SPAG16: variants seen among roughly 807,000 people sequenced by gnomAD.
SPAG16 encodes sperm associated antigen 16.
Under a neutral mutation model 80.4 loss-of-function variants are expected in SPAG16, and 86 were observed. The observed-to-expected ratio is 1.07, with a 90% CI of 0.90 to 1.28. The LOEUF is 1.28. SPAG16 is among the 50% of genes most tolerant of loss of function. SPAG16 has a pLI of 0.00. For synonymous variants in SPAG16, 294 were observed against 265.9 expected, an observed-to-expected ratio of 1.11 and a Z score of -1.03; for missense variants, 870 against 765.3, an observed-to-expected ratio of 1.14 and a Z score of -1.61.
At position 213,767,487 on chromosome 2, in the gene SPAG16, G is replaced by A. The variant is rs1231366887; in HGVS notation, c.1071-94998G>A. On this transcript the variant is annotated intron_variant, in intron 10 of 15. Transcript: ENST00000331683. ...GTTCCAGGTCAACCTAGGCAACATAGTGAGTCCCCATCCTTACAAAAAATA... is the reference window on the plus strand; with the variant it reads ...GTTCCAGGTCAACCTAGGCAACATAATGAGTCCCCATCCTTACAAAAAATA... 3.3e-5 allele frequency among the ~76,000 whole-genome samples: 5 copies of A among 152,172 alleles called. No individual in the cohort carries two copies. The East Asian group carries it at 5.8e-4, about 18-fold the overall frequency.
intron 15 of SPAG16, among the ~76,000 whole-genome samples, chr2:214,261,922 T>C (rs1691207818): frequency 6.6e-6 from 1 of 152,142 alleles, no homozygotes; most frequent in Non-Finnish European, 1.5e-5. Flanking sequence ...CAAGACCTAA[T>C]GCTGAATTAT....
At chr2:213,731,464 T>G (rs72935209) in intron 10 of SPAG16, among the ~76,000 whole-genome samples, 1,555 of 8,766 alleles carry the variant, frequency 0.18, 13 homozygotes, top group South Asian at 0.36. Flanking sequence ...CCAGCTGTTT[T>G]TTTTTTTTTT....
chr2:213,359,985 T>C (rs1227879445), intron 7 of SPAG16, among the ~76,000 whole-genome samples: 4 of 152,082 alleles, frequency 2.6e-5, no homozygotes, highest in Admixed American at 6.6e-5. Context: ...TAAGATAACA[T>C]TGAAAAAAAT....
intron 8 of SPAG16, chr2:213,365,502 G>A (rs1047621882): frequency 1.3e-5 from 2 of 151,240 alleles, no homozygotes; most frequent in African/African-American, 2.4e-5. Context: ...GTGTCACCCA[G>A]GCTGGAGTGC....
At chr2:213,902,567 C>A (rs1249605868) in intron 11 of SPAG16, among the ~76,000 whole-genome samples, 1 of 152,180 alleles carries the variant, frequency 6.6e-6, no homozygotes, top group Admixed American at 6.5e-5. Context: ...TATCTCCCAC[C>A]AGGTCTCTCC....
intron 15 of SPAG16, among the ~76,000 whole-genome samples, chr2:214,339,822 G>C (rs189867692): frequency 3.9e-5 from 6 of 152,210 alleles, no homozygotes; most frequent in Admixed American, 2.0e-4. Flanking sequence ...TATGTTACTG[G>C]ACAAAAGGGG....
intron 15 of SPAG16, among the ~76,000 whole-genome samples, chr2:214,375,081 A>G (rs1207122537): frequency 6.6e-6 from 1 of 152,162 alleles, no homozygotes; most frequent in Non-Finnish European, 1.5e-5. Flanking sequence ...AGGGTATCTC[A>G]CCTTAATCAG....
chr2:213,680,188 C>T (rs1292252041), intron 10 of SPAG16, among the ~76,000 whole-genome samples: 1 of 152,062 alleles, frequency 6.6e-6, no homozygotes, highest in Admixed American at 6.6e-5. Context: ...TTGAAAAATT[C>T]CACCACTGGC....
chr2:213,667,120 T>C (rs2013934), intron 10 of SPAG16, among the ~76,000 whole-genome samples: 40,565 of 152,110 alleles, frequency 0.27, 6,316 homozygotes, highest in Middle Eastern at 0.41. Context: ...AGATTTCTTA[T>C]AGAAAAAGTG....
chr2:213,846,181 GTT>G (rs2074613809), intron 10 of SPAG16, among the ~76,000 whole-genome samples: 1 of 152,038 alleles, frequency 6.6e-6, no homozygotes, highest in Non-Finnish European at 1.5e-5. Context: ...TTGAAAATTA[GTT>G]TCACATTTAT....
At chr2:214,051,431 G>A (rs781130241) in intron 13 of SPAG16, among the ~76,000 whole-genome samples, 1 of 152,180 alleles carries the variant, frequency 6.6e-6, no homozygotes, top group Non-Finnish European at 1.5e-5. Context: ...TAGGGAACTT[G>A]AATAATTGCC....
chr2:213,633,518 T>C lies in SPAG16; in HGVS notation c.1070+143428T>C, dbSNP rs111835128. Among the ~76,000 whole-genome samples the C allele has an allele frequency of 1.4e-3, 218 of 152,218 alleles. 1 individual carries two copies. Among genetic ancestry groups the C allele is most frequent in the African/African-American group, 4.2e-3 (174 of 41,564 alleles). ...TTCTGTAGCTCTTAGATGAAATGTT[T>C]TGTAAATATCTATGAGATCCATTTG... is the stretch of plus-strand genomic sequence containing the variant. On this transcript the variant is annotated intron_variant, in intron 10 of 15. Transcript: ENST00000331683.
chr2:213,978,261 A>C (rs2045522436), intron 12 of SPAG16, among the ~76,000 whole-genome samples: 2 of 152,032 alleles, frequency 1.3e-5, no homozygotes, highest in African/African-American at 2.4e-5. Context: ...CCTCAGCTGG[A>C]TCACCCCATT....
intron 15 of SPAG16, among the ~76,000 whole-genome samples, chr2:214,163,619 CAT>C (rs1476266350): frequency 7.8e-6 from 1 of 128,934 alleles, no homozygotes; most frequent in East Asian, 2.1e-4. Flanking sequence ...TATATACACA[CAT>C]ATATACATAT....
chr2:213,434,450 A>G (rs745616831), intron 9 of SPAG16, among the ~76,000 whole-genome samples: 7 of 152,194 alleles, frequency 4.6e-5, no homozygotes, highest in Non-Finnish European at 1.0e-4. Context: ...ACAAGTAATA[A>G]AAACAAAAAT....
chr2:213,526,105 G>T (rs1309733288), intron 10 of SPAG16, among the ~76,000 whole-genome samples: 1 of 151,894 alleles, frequency 6.6e-6, no homozygotes, highest in Non-Finnish European at 1.5e-5. Context: ...CTTAATATCG[G>T]TATCTTAACA....
chr2:213,581,328 C>T (rs1196757015), intron 10 of SPAG16, among the ~76,000 whole-genome samples: 1 of 151,994 alleles, frequency 6.6e-6, no homozygotes, highest in African/African-American at 2.4e-5. Flanking sequence ...AGTGATTCTC[C>T]ACCTTAGCCT....
chr2:214,213,165 T>A (rs1181816031), intron 15 of SPAG16, among the ~76,000 whole-genome samples: 1 of 152,208 alleles, frequency 6.6e-6, no homozygotes, highest in Admixed American at 6.5e-5. Flanking sequence ...TTAAAATTGA[T>A]TTTCCCAGTT....
chr2:213,800,105 T>C (rs1239671512), intron 10 of SPAG16, among the ~76,000 whole-genome samples: 2 of 152,228 alleles, frequency 1.3e-5, no homozygotes, highest in African/African-American at 4.8e-5. Flanking sequence ...TGGGAGACTA[T>C]TGACCTCCTT....
Sources: gnomAD v4.1 joint callset for allele counts (sites outside exome capture counted in the v4.1 genomes callset) on GRCh38, gnomAD v4.1.1 for gene constraint, MANE v1.5 for transcripts, NCBI Gene and HGNC (gene_info 2026-07-23, HGNC 2026-07-21) for gene names.